CNTNAP2: variants seen among roughly 807,000 people sequenced by gnomAD.
CNTNAP2 encodes the protein contactin associated protein 2, also known as contactin-associated protein-like 2.
CNTNAP2 carries 98 observed loss-of-function variants against 155.2 expected under a neutral mutation model. That is an observed-to-expected ratio of 0.63 (90% CI 0.54 to 0.75). The LOEUF is 0.75. Among genes scored for constraint, CNTNAP2 ranks in the 30% least tolerant of loss-of-function variants. The pLI, the probability that CNTNAP2 is intolerant of heterozygous loss-of-function variation, is 0.00. For missense variants in CNTNAP2, 1,727 were observed against 1,688.1 expected, an observed-to-expected ratio of 1.02 and a Z score of -0.40; for synonymous variants, 651 against 631.2, an observed-to-expected ratio of 1.03 and a Z score of -0.47.
intron 16 of CNTNAP2, among the ~76,000 whole-genome samples, chr7:148,118,703 A>G (rs1052915916): frequency 6.6e-6 from 1 of 152,154 alleles, no homozygotes; most frequent in Admixed American, 6.5e-5. Context: ...AATGATAACT[A>G]GTGACATCCG....
intron 13 of CNTNAP2, among the ~76,000 whole-genome samples, chr7:147,886,768 A>C (rs1799607227): frequency 6.6e-6 from 1 of 152,198 alleles, no homozygotes; most frequent in Admixed American, 6.5e-5. Context: ...ACCCACTGGC[A>C]CATCAAATTC....
chr7:147,712,097 TACTC>T (rs1354478313), intron 13 of CNTNAP2, among the ~76,000 whole-genome samples: 1 of 152,162 alleles, frequency 6.6e-6, no homozygotes, highest in African/African-American at 2.4e-5. Flanking sequence ...CCACGTTTCT[TACTC>T]ACGTTCCTTC....
chr7:146,464,250 C>CA (rs1189879222), intron 1 of CNTNAP2, among the ~76,000 whole-genome samples: 1 of 141,020 alleles, frequency 7.1e-6, no homozygotes, highest in East Asian at 2.2e-4. Flanking sequence ...AATGAAACCG[C>CA]AAAAACCCTG....
intron 13 of CNTNAP2, among the ~76,000 whole-genome samples, chr7:147,693,192 G>T (rs1796114999): frequency 6.6e-6 from 1 of 151,952 alleles, no homozygotes; most frequent in Non-Finnish European, 1.5e-5. Context: ...TCTTTGTTCT[G>T]TTCAGCTAAT....
At chr7:146,348,643 C>G (rs1397821611) in intron 1 of CNTNAP2, among the ~76,000 whole-genome samples, 1 of 151,938 alleles carries the variant, frequency 6.6e-6, no homozygotes, top group Non-Finnish European at 1.5e-5. Flanking sequence ...ATTTAAATCA[C>G]ACTTGTTTGG....
intron 1 of CNTNAP2, among the ~76,000 whole-genome samples, chr7:146,183,215 C>T (rs957055674): frequency 1.3e-5 from 2 of 152,026 alleles, no homozygotes; most frequent in Non-Finnish European, 2.9e-5. Context: ...CTTGAAGAAC[C>T]CTGCCTGCAT....
At chr7:146,141,643 C>T (rs1235252200) in intron 1 of CNTNAP2, among the ~76,000 whole-genome samples, 2 of 151,592 alleles carry the variant, frequency 1.3e-5, no homozygotes, top group Non-Finnish European at 1.5e-5. Context: ...TTATTTTTTC[C>T]TACTTTAGGT....
intron 1 of CNTNAP2, among the ~76,000 whole-genome samples, chr7:146,393,776 G>A (rs1795579585): frequency 6.6e-6 from 1 of 151,784 alleles, no homozygotes; most frequent in South Asian, 2.1e-4. Flanking sequence ...TATAGAAAAT[G>A]TTTCTTTTTT....
rs1300862379 is a variant in CNTNAP2, at chr7:147,395,781, G to A, written c.1670+1G>A. ...TTGACATGTGTGCGATCATAGACAG[G>A]TAAATGATCTTTTCATCCTACCTCA... On this transcript the variant is annotated splice_donor_variant, in intron 10 of 23. Transcript: ENST00000361727. LOFTEE classifies it high-confidence loss of function. 1.2e-6 allele frequency: 2 copies of A among 1,611,712 alleles called. No individual in the cohort carries two copies. The highest frequency in any genetic ancestry group is 1.7e-4 in the Middle Eastern group (1 of 6,042).
In CNTNAP2 at chr7:147,485,987, A is replaced by T. The variant is rs794727033; in HGVS notation, c.1723A>T (p.Ser575Cys). 6 of 1,614,042 alleles carry T rather than the reference A, an allele frequency of 3.7e-6. No homozygotes were observed. The highest frequency in any genetic ancestry group is 5.1e-6 in the Non-Finnish European group (6 of 1,180,000). ...HGGKCSQTWD[S>C]FKCTCDETGY... ...TGGAAAGTGCTCGCAAACATGGGACAGCTTCAAATGCACTTGTGATGAGAC... is the reference window on the plus strand; with the variant it reads ...TGGAAAGTGCTCGCAAACATGGGACTGCTTCAAATGCACTTGTGATGAGAC... Residue 575 changes from serine to cysteine, a missense_variant, in exon 11 of 24, where the codon AGC becomes TGC. By Grantham distance (112) the Ser-to-Cys change is moderately radical (BLOSUM62 -1). Transcript: ENST00000361727.
At chr7:146,210,420 C>T (rs1165561109) in intron 1 of CNTNAP2, among the ~76,000 whole-genome samples, 1 of 152,160 alleles carries the variant, frequency 6.6e-6, no homozygotes, top group Non-Finnish European at 1.5e-5. Flanking sequence ...TCTCCTGCCT[C>T]AGCTTCCTGA....
At chr7:146,859,788 G>A (rs1795064177) in intron 3 of CNTNAP2, among the ~76,000 whole-genome samples, 1 of 152,028 alleles carries the variant, frequency 6.6e-6, no homozygotes, top group Non-Finnish European at 1.5e-5. Flanking sequence ...AGTGATTGAA[G>A]AAGAGAAAAA....
At chr7:147,232,265 A>G (rs1377155584) in intron 8 of CNTNAP2, among the ~76,000 whole-genome samples, 1 of 152,244 alleles carries the variant, frequency 6.6e-6, no homozygotes, top group Non-Finnish European at 1.5e-5. Context: ...AGCGATCTAC[A>G]AATTCAAACT....
intron 1 of CNTNAP2, among the ~76,000 whole-genome samples, chr7:146,475,458 G>A (rs1443126005): frequency 6.6e-6 from 1 of 152,104 alleles, no homozygotes; most frequent in Non-Finnish European, 1.5e-5. Flanking sequence ...GAAATAGGCA[G>A]AAAAAAATAT....
At chr7:148,372,564 C>T (rs1198778012) in intron 21 of CNTNAP2, among the ~76,000 whole-genome samples, 2 of 150,988 alleles carry the variant, frequency 1.3e-5, no homozygotes, top group Non-Finnish European at 3.0e-5. Flanking sequence ...AAAAATTAGC[C>T]TGGTGTGGTG....
chr7:147,206,671 C>T (rs992797407), intron 8 of CNTNAP2, among the ~76,000 whole-genome samples: 1 of 152,138 alleles, frequency 6.6e-6, no homozygotes, highest in Non-Finnish European at 1.5e-5. Flanking sequence ...TAAAGTATCA[C>T]ACATTTTCTG....
intron 1 of CNTNAP2, among the ~76,000 whole-genome samples, chr7:146,161,791 A>T (rs1286615704): frequency 6.6e-6 from 1 of 152,218 alleles, no homozygotes; most frequent in African/African-American, 2.4e-5. Flanking sequence ...CCAAAACAGC[A>T]TGGTACTGGT....
intron 1 of CNTNAP2, among the ~76,000 whole-genome samples, chr7:146,653,125 G>T (rs935360325): frequency 1.3e-5 from 2 of 152,074 alleles, no homozygotes; most frequent in East Asian, 1.9e-4. Flanking sequence ...GCCAGCTCAC[G>T]TTCTTTTCTT....
chr7:147,433,055 TG>T (rs1797492187), intron 10 of CNTNAP2, among the ~76,000 whole-genome samples: 1 of 152,204 alleles, frequency 6.6e-6, no homozygotes, highest in Non-Finnish European at 1.5e-5. Context: ...GCACAAGGAC[TG>T]CTACCTGGCT....
Sources: allele counts gnomAD v4.1 joint callset (sites outside exome capture counted in the v4.1 genomes callset), GRCh38; gene constraint gnomAD v4.1.1; transcripts MANE v1.5; gene names NCBI Gene and HGNC (gene_info 2026-07-23, HGNC 2026-07-21).